Variants in ATP2B3 observed in about 807,000 individuals in gnomAD.
The protein encoded by ATP2B3 is ATPase plasma membrane Ca2+ transporting 3.
In ATP2B3, 12 loss-of-function variants were observed where a neutral mutation model predicts 70.8. The observed-to-expected ratio is 0.17, with a 90% CI of 0.11 to 0.27. ATP2B3 has a LOEUF of 0.27. ATP2B3 is among the 10% of genes least tolerant of loss of function. The probability of loss-of-function intolerance (pLI) is 1.00; values close to 1 mark genes in which losing one functional copy is unlikely to be tolerated. For missense variants in ATP2B3, 858 were observed against 1,118.5 expected, an observed-to-expected ratio of 0.77 and a Z score of 3.32; for synonymous variants, 460 against 497.8, an observed-to-expected ratio of 0.92 and a Z score of 1.01.
At chrX:153,562,075 G>A (rs1308615539) in intron 19 of ATP2B3, 60 bp from the exon 20 acceptor site, 1 of 1,077,179 alleles carries the variant, frequency 9.3e-7, no homozygotes, top group Non-Finnish European at 1.3e-6. Flanking sequence ...AGGGGTTGGA[G>A]GACAAGGGTG....
At chrX:153,544,695 T>C (rs1364329698) in intron 7 of ATP2B3, among the ~76,000 whole-genome samples, 1 of 111,665 alleles carries the variant, frequency 9.0e-6, no homozygotes, top group African/African-American at 3.3e-5. Context: ...GATACTTGCC[T>C]TCTACCTGCA....
At chrX:153,543,357 G>C (rs1557007551) in intron 7 of ATP2B3, among the ~76,000 whole-genome samples, 189 bp downstream of exon 7, 1 of 112,558 alleles carries the variant, frequency 8.9e-6, no homozygotes, top group Admixed American at 9.3e-5. Context: ...AGAGCCGGCA[G>C]GCCAAGGGCC....
chrX:153,526,118 A>AGGGAGGAG (rs1281161625), intron 2 of ATP2B3, among the ~76,000 whole-genome samples: 2 of 112,343 alleles, frequency 1.8e-5, no homozygotes, highest in African/African-American at 6.5e-5. Context: ...GTCTCCCCTA[A>AGGGAGGAG]GGGAGGAGGG....
At chrX:153,552,014 G>A (rs181721710) in intron 12 of ATP2B3, among the ~76,000 whole-genome samples, 64 of 112,708 alleles carry the variant, frequency 5.7e-4, no homozygotes, top group Admixed American at 1.4e-3. Context: ...CTGCCTGGCC[G>A]CCCCACCCAC....
At chrX:153,535,711 G>A (rs1264756767) in intron 2 of ATP2B3, among the ~76,000 whole-genome samples, 5 of 112,861 alleles carry the variant, frequency 4.4e-5, no homozygotes, top group Admixed American at 3.7e-4. Flanking sequence ...GTGAACAAGC[G>A]CAGGACTGGT....
At chrX:153,526,608 C>T (rs187622261) in intron 2 of ATP2B3, among the ~76,000 whole-genome samples, 165 of 112,480 alleles carry the variant, frequency 1.5e-3, no homozygotes, top group African/African-American at 5.0e-3. Flanking sequence ...ATGACCTTCG[C>T]GTCCTGCAGC....
At chrX:153,544,965 T>C (rs1285506059) in intron 7 of ATP2B3, among the ~76,000 whole-genome samples, 1 of 112,929 alleles carries the variant, frequency 8.9e-6, no homozygotes, top group Non-Finnish European at 1.9e-5. Flanking sequence ...TGCTGTGCTG[T>C]GCGGTCATCG....
chrX:153,540,053 G>T (rs1454184183), intron 3 of ATP2B3, among the ~76,000 whole-genome samples: 1 of 112,625 alleles, frequency 8.9e-6, no homozygotes, highest in Non-Finnish European at 1.9e-5. Context: ...AGGGATCAAA[G>T]TTGGTGCTGG....
intron 6 of ATP2B3, 129 bp from the exon 7 acceptor site, chrX:153,542,914 C>A: frequency 9.7e-6 from 9 of 926,330 alleles, no homozygotes; most frequent in Non-Finnish European, 1.2e-5. Flanking sequence ...GAGGAGGCTT[C>A]AGCCTAGTTT....
At chrX:153,562,645 A>G (rs1360314348) in intron 20 of ATP2B3, among the ~76,000 whole-genome samples, 5 of 112,319 alleles carry the variant, frequency 4.5e-5, no homozygotes, top group African/African-American at 1.3e-4. Context: ...TGGAAAGGAC[A>G]GAGAGTCCCA....
In ATP2B3 at chrX:153,560,953, A is replaced by AC. The variant is rs782231883; in HGVS notation, c.3051+70dup. ...AAAAGTGGAGGTGGTGGGCTTCAAGACCCCTCGTCCACCCCTAGTACTGGC... is the reference window on the plus strand; with the variant it reads ...AAAAGTGGAGGTGGTGGGCTTCAAGACCCCCTCGTCCACCCCTAGTACTGGC... On this transcript the variant is annotated intron_variant, in intron 19 of 21. Coordinates refer to ENST00000263519, the MANE Select transcript of ATP2B3 (RefSeq NM_001001344.3). The AC allele has an allele frequency of 6.1e-6, 7 of 1,152,880 alleles. No homozygotes were observed. In the South Asian group the frequency reaches 9.4e-5, roughly 16 times the overall value.
chrX:153,518,075 G>C (rs1556996697), intron 1 of ATP2B3, among the ~76,000 whole-genome samples, 200 bp downstream of exon 1: 1 of 111,305 alleles, frequency 9.0e-6, no homozygotes, highest in Non-Finnish European at 1.9e-5. Flanking sequence ...GTCACCCCGG[G>C]GCCCCAGGCC....
chrX:153,534,762 T>G (rs782734175), intron 2 of ATP2B3, among the ~76,000 whole-genome samples: 1 of 113,265 alleles, frequency 8.8e-6, no homozygotes, highest in African/African-American at 3.2e-5. Context: ...TCATGTGCAA[T>G]GTGTCGCGAG....
In ATP2B3 at chrX:153,536,468, C is replaced by T; in HGVS notation, c.208+13C>T. 8.5e-7 allele frequency: 1 copy of T among 1,180,651 alleles called. No homozygotes were observed. The highest frequency in any genetic ancestry group is 1.1e-6 in the Non-Finnish European group (1 of 879,030). On this transcript the variant is annotated intron_variant, in intron 3 of 21. Transcript: ENST00000263519. ...TCACCCACAGAGGGTAAGTCCCTCT[C>T]AGGCTGCATGCCACCCAGCCCTGCT...
intron 21 of ATP2B3, among the ~76,000 whole-genome samples, chrX:153,566,313 C>T (rs894721263): frequency 8.9e-6 from 1 of 112,903 alleles, no homozygotes; most frequent in Non-Finnish European, 1.9e-5. Flanking sequence ...AGTAAGGACA[C>T]CACTGCACAC....
intron 2 of ATP2B3, among the ~76,000 whole-genome samples, chrX:153,531,229 C>G (rs1396192440): frequency 1.8e-5 from 2 of 113,273 alleles, no homozygotes; most frequent in Non-Finnish European, 3.8e-5. Flanking sequence ...GGCAGGGTGG[C>G]TGCCAGACTG....
intron 2 of ATP2B3, among the ~76,000 whole-genome samples, chrX:153,519,687 C>A (rs1556997222): frequency 8.9e-6 from 1 of 112,887 alleles, no homozygotes; most frequent in Non-Finnish European, 1.9e-5. Flanking sequence ...CTGCTGCAGG[C>A]CCCGAGGCGG....
At chrX:153,533,499 A>AAT (rs2124366031) in intron 2 of ATP2B3, among the ~76,000 whole-genome samples, 1 of 110,088 alleles carries the variant, frequency 9.1e-6, no homozygotes, top group East Asian at 2.9e-4. Flanking sequence ...CTTGATGGGG[A>AAT]TGGGAGACTG....
intron 21 of ATP2B3, among the ~76,000 whole-genome samples, chrX:153,572,367 G>A (rs2090801623): frequency 8.9e-6 from 1 of 112,806 alleles, no homozygotes; most frequent in Admixed American, 9.3e-5. Context: ...GGCCTTTCTG[G>A]GCACTGGAGC....
Sources: allele counts gnomAD v4.1 joint callset (sites outside exome capture counted in the v4.1 genomes callset), GRCh38; gene constraint gnomAD v4.1.1; transcripts MANE v1.5; gene names NCBI Gene and HGNC (gene_info 2026-07-23, HGNC 2026-07-21).